ARL6: variants seen among roughly 807,000 people sequenced by gnomAD.
The protein encoded by ARL6 is ADP-ribosylation factor-like protein 6.
A neutral mutation model predicts 27.1 loss-of-function variants in ARL6; 18 were observed. The observed-to-expected ratio is 0.66, with a 90% CI of 0.46 to 0.98. ARL6 has a LOEUF of 0.98. ARL6 is among the 50% of genes least tolerant of loss of function. ARL6 has a pLI of 0.00. For synonymous variants in ARL6, 65 were observed against 72.3 expected, an observed-to-expected ratio of 0.90 and a Z score of 0.51; for missense variants, 187 against 214.9, an observed-to-expected ratio of 0.87 and a Z score of 0.81.
At chr3:97,782,486 C>T (rs980535575) in intron 4 of ARL6, among the ~76,000 whole-genome samples, 13 of 151,760 alleles carry the variant, frequency 8.6e-5, no homozygotes, top group South Asian at 2.1e-4. Context: ...TCCCTATTTT[C>T]GTACTTTTCT....
At chr3:97,792,925 A>G (rs1051208615) in intron 7 of ARL6, among the ~76,000 whole-genome samples, 3 of 152,130 alleles carry the variant, frequency 2.0e-5, no homozygotes, top group Non-Finnish European at 4.4e-5. Context: ...CATAGTTACA[A>G]ATTCTTCTAC....
At chr3:97,788,278 C>A (rs1056715201) in intron 6 of ARL6, among the ~76,000 whole-genome samples, 159 bp downstream of exon 6, 3 of 151,300 alleles carry the variant, frequency 2.0e-5, no homozygotes, top group Admixed American at 1.3e-4. Flanking sequence ...TAGGTTTTTA[C>A]AAATATATTA....
At chr3:97,783,677 T>C (rs550163157) in intron 4 of ARL6, among the ~76,000 whole-genome samples, 11 of 151,928 alleles carry the variant, frequency 7.2e-5, no homozygotes, top group African/African-American at 2.6e-4. Context: ...TTTTTAATGA[T>C]AGGAGAAAAT....
In ARL6 at chr3:97,775,450, C is replaced by A. The variant is rs542506124; in HGVS notation, c.124-4709C>A. 4.6e-5 allele frequency among the ~76,000 whole-genome samples: 7 copies of A among 152,026 alleles called. No homozygotes were observed. In the South Asian group the frequency reaches 6.2e-4, roughly 14 times the overall value. ...AGGCTGGGAGGCTAAGCCAGCCTAG[C>A]CTTTTCAGGTTTTTTTTTTGCCTGC... On this transcript the variant is annotated intron_variant, in intron 2 of 7. Coordinates refer to ENST00000463745, the MANE Select transcript of ARL6 (RefSeq NM_001278293.3).
chr3:97,787,942 T>C, intron 5 of ARL6, 48 bp from the exon 6 acceptor site: 3 of 1,608,204 alleles, frequency 1.9e-6, no homozygotes, highest in Non-Finnish European at 2.6e-6. Flanking sequence ...TGCTGCAAAA[T>C]GACCTAAAAA....
intron 5 of ARL6, 38 bp downstream of exon 5, chr3:97,785,087 G>A (rs371301440): frequency 6.6e-7 from 1 of 1,517,088 alleles, no homozygotes; most frequent in South Asian, 1.1e-5. Flanking sequence ...TGTTCTTTGG[G>A]GTTCATTTAT....
chr3:97,774,113 G>A (rs564061346), intron 2 of ARL6, among the ~76,000 whole-genome samples: 2 of 152,274 alleles, frequency 1.3e-5, no homozygotes, highest in South Asian at 4.1e-4. Flanking sequence ...CATCTTGATA[G>A]TCCCGGATAG....
intron 1 of ARL6, among the ~76,000 whole-genome samples, chr3:97,765,237 TGTGTG>T (rs1395717755): frequency 1.9e-4 from 29 of 151,726 alleles, no homozygotes; most frequent in African/African-American, 6.8e-4. Flanking sequence ...TGTGTGTGTG[TGTGTG>T]TGTGTGTGTA....
downstream of ARL6, chr3:97,801,232 A>G (rs1015712346): frequency 1.3e-5 from 2 of 152,212 alleles, no homozygotes; most frequent in Non-Finnish European, 2.9e-5. Flanking sequence ...GAGAAATACT[A>G]CAGTGATTAA....
At chr3:97,780,398 ACT>A (rs1490697610) in intron 3 of ARL6, among the ~76,000 whole-genome samples, 178 bp downstream of exon 3, 1 of 152,118 alleles carries the variant, frequency 6.6e-6, no homozygotes, top group Admixed American at 6.5e-5. Context: ...GTTTAGACAA[ACT>A]CTGATAACTT....
chr3:97,770,210 T>C (rs185681296), intron 2 of ARL6, among the ~76,000 whole-genome samples: 10 of 152,264 alleles, frequency 6.6e-5, no homozygotes, highest in Non-Finnish European at 1.5e-4. Flanking sequence ...TTTTTTGCCT[T>C]TTTTGATAAA....
chr3:97,772,380 G>A (rs1482503782), intron 2 of ARL6, among the ~76,000 whole-genome samples: 2 of 151,408 alleles, frequency 1.3e-5, no homozygotes, highest in Non-Finnish European at 2.9e-5. Flanking sequence ...TCATTCTTAA[G>A]TTCTAATTTC....
chr3:97,767,224 A>C (rs2036426439), intron 1 of ARL6, among the ~76,000 whole-genome samples: 2 of 152,148 alleles, frequency 1.3e-5, no homozygotes, highest in African/African-American at 4.8e-5. Context: ...TTTTTAAGAT[A>C]CTTAAAAAAC....
intron 2 of ARL6, among the ~76,000 whole-genome samples, chr3:97,773,958 A>G (rs952062937): frequency 6.6e-6 from 1 of 152,166 alleles, no homozygotes; most frequent in Admixed American, 6.5e-5. Context: ...GGTCTGGTCC[A>G]TATGTAGTCC....
Position 97,789,783 on chromosome 3 carries a change from GTATT to G in ARL6, c.479+1668_479+1671del, listed in dbSNP as rs372753000. On this transcript the variant is annotated intron_variant, in intron 6 of 7. Transcript: ENST00000463745. Reference sequence around the variant, plus strand: ...TAAAAGCATGTATAAAATTGAAAATGTATTTATCCTTTTTCTATTTTAAATATAA... The same window carrying G: ...TAAAAGCATGTATAAAATTGAAAATGTATCCTTTTTCTATTTTAAATATAA... 1.1e-3 allele frequency among the ~76,000 whole-genome samples: 167 copies of G among 152,144 alleles called. 1 individual carries two copies. Among genetic ancestry groups the G allele is most frequent in the African/African-American group, 3.8e-3 (158 of 41,518 alleles).
chr3:97,779,078 G>T (rs1269517138), intron 2 of ARL6, among the ~76,000 whole-genome samples: 1 of 152,142 alleles, frequency 6.6e-6, no homozygotes, highest in African/African-American at 2.4e-5. Context: ...TTAATTGTCA[G>T]TGGGATTTGT....
intron 2 of ARL6, among the ~76,000 whole-genome samples, chr3:97,769,912 A>G (rs1017187461): frequency 6.6e-6 from 1 of 152,104 alleles, no homozygotes; most frequent in Admixed American, 6.6e-5. Context: ...TATATGTACC[A>G]AATTTTCATT....
intron 2 of ARL6, among the ~76,000 whole-genome samples, chr3:97,772,273 A>G (rs952187472): frequency 3.9e-5 from 6 of 152,224 alleles, no homozygotes; most frequent in South Asian, 2.1e-4. Flanking sequence ...GTGTCCGGCA[A>G]TTTATCCACT....
chr3:97,768,932 T>C (rs1267985319), intron 2 of ARL6, among the ~76,000 whole-genome samples: 2 of 152,034 alleles, frequency 1.3e-5, no homozygotes, highest in African/African-American at 4.8e-5. Flanking sequence ...GTTTCAAACC[T>C]CTGTCACTCA....
Sources: gnomAD v4.1 joint callset for allele counts (sites outside exome capture counted in the v4.1 genomes callset) on GRCh38, gnomAD v4.1.1 for gene constraint, MANE v1.5 for transcripts, NCBI Gene and HGNC (gene_info 2026-07-23, HGNC 2026-07-21) for gene names.